The following NAALADL2 variants were observed in gnomAD, a reference collection of about 807,000 sequenced individuals.
NAALADL2 encodes the protein N-acetylated alpha-linked acidic dipeptidase like 2.
In NAALADL2, 76 loss-of-function variants were observed where a neutral mutation model predicts 87.2. The observed-to-expected ratio is 0.87, with a 90% confidence interval of 0.72 to 1.05. The LOEUF (loss-of-function observed/expected upper bound fraction) is 1.05. Ranked by LOEUF, NAALADL2 falls within the 50% of genes least tolerant of loss-of-function variation. NAALADL2 has a pLI of 0.00. For missense variants in NAALADL2, 1,089 were observed against 945.8 expected (o/e 1.15, Z -1.99); for synonymous variants, 354 against 331.0 (o/e 1.07, Z -0.75).
intron 1 of NAALADL2, among the ~76,000 whole-genome samples, chr3:174,478,831 C>T (rs1399615537): frequency 6.6e-6 from 1 of 152,106 alleles, no homozygotes; most frequent in Non-Finnish European, 1.5e-5. Context: ...TGTGCCTCAG[C>T]CTCCTGAGAA....
chr3:174,842,582 ACAAG>A (rs1217807656), intron 3 of NAALADL2, among the ~76,000 whole-genome samples: 1 of 152,180 alleles, frequency 6.6e-6, no homozygotes. Context: ...CACTCTAATT[ACAAG>A]ATTGTATTTA....
chr3:174,581,927 C>T (rs1007881045), intron 2 of NAALADL2, among the ~76,000 whole-genome samples: 4 of 152,158 alleles, frequency 2.6e-5, no homozygotes, highest in Non-Finnish European at 5.9e-5. Context: ...TAAGCCATGA[C>T]GATTTGGAAG....
Position 175,808,355 on chromosome 3 carries a change from T to C in NAALADL2, c.*5152T>C, listed in dbSNP as rs1754885015. Reference sequence around the variant, plus strand: ...TGGTTACATTATTTTGTTTGAATTATACAATTACATAATTTTCTGTAACCA... The same window carrying C: ...TGGTTACATTATTTTGTTTGAATTACACAATTACATAATTTTCTGTAACCA... On this transcript the variant is annotated 3_prime_UTR_variant, in exon 14 of 14. Coordinates refer to ENST00000454872, the MANE Select transcript of NAALADL2 (RefSeq NM_207015.3). 1 of 152,002 alleles carries C rather than the reference T, an allele frequency of 6.6e-6. No homozygotes were observed. The highest frequency in any genetic ancestry group is 2.4e-5 in the African/African-American group (1 of 41,438). The allele number at this position is 152,002 out of a possible 1,614,324, so 9.4% of individuals were successfully genotyped here.
Position 174,448,251 on chromosome 3 carries a change from A to C in NAALADL2, c.-184+7219A>C, listed in dbSNP as rs191875723. Among the ~76,000 whole-genome samples, 146 of 152,304 alleles carry C rather than the reference A, an allele frequency of 9.6e-4. No individual in the cohort carries two copies. In the Middle Eastern group the frequency reaches 0.034, roughly 35 times the overall value. ...TTCCTAACCACAGTACAATATAAAA[A>C]CCAGGAAATTGACATTGATACAATG... On this transcript the variant is annotated intron_variant, in intron 1 of 3. Coordinates refer to the NAALADL2 transcript ENST00000434257.
intron 5 of NAALADL2, among the ~76,000 whole-genome samples, chr3:175,353,322 C>T (rs771578623): frequency 1.6e-4 from 24 of 152,086 alleles, no homozygotes; most frequent in Admixed American, 3.3e-4. Flanking sequence ...GCCTGGGCAA[C>T]GTAGCAAGAC....
chr3:175,018,606 A>G (rs998365012), intron 1 of NAALADL2, among the ~76,000 whole-genome samples: 3 of 152,070 alleles, frequency 2.0e-5, no homozygotes, highest in Non-Finnish European at 4.4e-5. Flanking sequence ...AGCTCACCGC[A>G]TACACATCTA....
At chr3:175,642,134 T>C (rs1031883429) in intron 11 of NAALADL2, among the ~76,000 whole-genome samples, 2 of 152,176 alleles carry the variant, frequency 1.3e-5, no homozygotes, top group Non-Finnish European at 2.9e-5. Context: ...TAACTATGTG[T>C]TTAGTTTCCT....
At chr3:174,758,192 C>A in intron 3 of NAALADL2, among the ~76,000 whole-genome samples, 1 of 152,186 alleles carries the variant, frequency 6.6e-6, no homozygotes, top group East Asian at 1.9e-4. Context: ...AAAACCATAG[C>A]ATCTCCCTTC....
chr3:175,704,053 A>G (rs1375539944), intron 11 of NAALADL2, among the ~76,000 whole-genome samples: 7 of 152,142 alleles, frequency 4.6e-5, no homozygotes, highest in Non-Finnish European at 8.8e-5. Flanking sequence ...TTTGATGACT[A>G]GTGGCTCTGC....
chr3:175,514,358 CATA>C (rs1731564416), intron 9 of NAALADL2, among the ~76,000 whole-genome samples: 2 of 152,068 alleles, frequency 1.3e-5, no homozygotes, highest in East Asian at 3.9e-4. Flanking sequence ...TTAACTATAA[CATA>C]ATGAAAGAGA....
At position 174,522,593 on chromosome 3, in the gene NAALADL2, C is replaced by A. The variant is rs971033306; in HGVS notation, c.-183-27976C>A. Among the ~76,000 whole-genome samples the A allele has an allele frequency of 2.6e-5, 4 of 151,890 alleles. No homozygotes were observed. The South Asian group carries it at 8.3e-4, about 32-fold the overall frequency. On this transcript the variant is annotated intron_variant, in intron 1 of 3. Transcript: ENST00000434257. ...GAGTGAGGTTACAGTGAGCCATGAT[C>A]ACACCATTGCAGTCCAGCCTGGGCG...
At chr3:175,130,564 A>T (rs1727667814) in intron 2 of NAALADL2, among the ~76,000 whole-genome samples, 1 of 152,152 alleles carries the variant, frequency 6.6e-6, no homozygotes, top group East Asian at 1.9e-4. Flanking sequence ...TTGCCTATAG[A>T]TATTCAGCAT....
At chr3:174,960,082 A>G (rs1741754796) in intron 1 of NAALADL2, among the ~76,000 whole-genome samples, 1 of 152,038 alleles carries the variant, frequency 6.6e-6, no homozygotes, top group African/African-American at 2.4e-5. Context: ...GCTTTGGAGT[A>G]GCAGAAGCTG....
intron 1 of NAALADL2, among the ~76,000 whole-genome samples, chr3:174,488,897 A>C (rs1718019781): frequency 6.6e-6 from 1 of 151,966 alleles, no homozygotes; most frequent in South Asian, 2.1e-4. Flanking sequence ...TTCCATAGCC[A>C]CCTATTTGAG....
intron 2 of NAALADL2, among the ~76,000 whole-genome samples, chr3:175,216,663 C>CTT (rs1560177808): frequency 6.9e-5 from 3 of 43,354 alleles, no homozygotes. Flanking sequence ...CTTTTTTTTT[C>CTT]TTTTCTTTTT....
chr3:174,900,533 T>C lies in NAALADL2; in HGVS notation c.43+41083T>C, dbSNP rs1211132228. 4.6e-5 allele frequency among the ~76,000 whole-genome samples: 7 copies of C among 152,036 alleles called. No homozygotes were observed. The East Asian group carries it at 9.7e-4, about 21-fold the overall frequency. ...ATATAGATAAAAATCCTTAAAATTCTATGTCAATATTGATCAGAGACTTCT... is the reference window on the plus strand; with the variant it reads ...ATATAGATAAAAATCCTTAAAATTCCATGTCAATATTGATCAGAGACTTCT... On this transcript the variant is annotated intron_variant, in intron 1 of 13. Coordinates refer to ENST00000454872, the MANE Select transcript of NAALADL2 (RefSeq NM_207015.3).
intron 5 of NAALADL2, among the ~76,000 whole-genome samples, chr3:175,437,762 A>G (rs532112203): frequency 3.7e-4 from 57 of 152,224 alleles, no homozygotes; most frequent in African/African-American, 1.3e-3. Flanking sequence ...GATATAGATC[A>G]ATGTGTAGTA....
intron 3 of NAALADL2, among the ~76,000 whole-genome samples, chr3:174,742,266 C>T (rs954826147): frequency 4.0e-5 from 6 of 151,566 alleles, no homozygotes; most frequent in African/African-American, 1.5e-4. Flanking sequence ...CCATAGTTTT[C>T]CTCGGGATGT....
At chr3:174,837,406 A>G (rs1371589379) in intron 3 of NAALADL2, among the ~76,000 whole-genome samples, 1 of 152,200 alleles carries the variant, frequency 6.6e-6, no homozygotes, top group Non-Finnish European at 1.5e-5. Context: ...AGATGGATAC[A>G]TTTCTGGAAA....
Sources: gnomAD v4.1 joint callset for allele counts (sites outside exome capture counted in the v4.1 genomes callset) on GRCh38, gnomAD v4.1.1 for gene constraint, MANE v1.5 for transcripts, NCBI Gene and HGNC (gene_info 2026-07-23, HGNC 2026-07-21) for gene names.